The following MTMR8 variants were observed in gnomAD, a reference collection of about 807,000 sequenced individuals.
MTMR8 encodes phosphatidylinositol-3,5-bisphosphate 3-phosphatase MTMR8.
Under a neutral mutation model 39.3 loss-of-function variants are expected in MTMR8, and 65 were observed. The ratio of observed to expected loss-of-function variants is 1.65; its 90% CI spans 1.35 to 2.03. The LOEUF (loss-of-function observed/expected upper bound fraction) is 2.03. MTMR8 is among the 30% of genes most tolerant of loss of function. The probability of loss-of-function intolerance (pLI) is 0.00; values close to 1 mark genes in which losing one functional copy is unlikely to be tolerated. For missense variants in MTMR8, 777 were observed against 538.9 expected (o/e 1.44, Z -4.37); for synonymous variants, 245 against 185.2 (o/e 1.32, Z -2.62).
intron 12 of MTMR8, among the ~76,000 whole-genome samples, chrX:64,316,988 T>C (rs938751621): frequency 4.6e-5 from 5 of 108,709 alleles, no homozygotes; most frequent in Non-Finnish European, 9.5e-5. Context: ...GATGTGTGCC[T>C]GTAGTCCCAG....
At chrX:64,334,584 A>C (rs1387414850) in intron 10 of MTMR8, among the ~76,000 whole-genome samples, 6 of 106,153 alleles carry the variant, frequency 5.7e-5, no homozygotes, top group Non-Finnish European at 1.2e-4. Flanking sequence ...AAAAAAAAAA[A>C]AAAAAAAAAA....
intron 8 of MTMR8, 107 bp from the exon 9 acceptor site, chrX:64,337,500 G>A (rs980106940): frequency 2.3e-5 from 20 of 864,636 alleles, no homozygotes; most frequent in Admixed American, 3.6e-5. Flanking sequence ...CTGGTCTTAT[G>A]GGCTACATTA....
chrX:64,349,072 C>A (rs985453018), intron 5 of MTMR8, among the ~76,000 whole-genome samples: 1 of 111,474 alleles, frequency 9.0e-6, no homozygotes, highest in Admixed American at 9.6e-5. Context: ...AAATTCTATT[C>A]TCGATATATA....
chrX:64,295,988 C>A (rs1474544950), intron 12 of MTMR8, among the ~76,000 whole-genome samples: 1 of 112,138 alleles, frequency 8.9e-6, no homozygotes, highest in African/African-American at 3.2e-5. Context: ...AGCAGGAAAT[C>A]AAACAGACAG....
rs747200106 is a variant in MTMR8, at chrX:64,331,491, T to A, written c.1352+66A>T. The A allele has an allele frequency of 4.0e-6, 4 of 1,007,799 alleles. No individual in the cohort carries two copies. The African/African-American group carries it at 5.7e-5, about 14-fold the overall frequency. 83.1% of individuals were successfully genotyped at this position (1,007,799 alleles called of 1,213,427 possible). On this transcript the variant is annotated intron_variant, in intron 11 of 13. Coordinates refer to ENST00000374852, the MANE Select transcript of MTMR8 (RefSeq NM_017677.4). ...GACTGCTATGCCAAATTCAGGGTGG[T>A]AGGTACATTCTTTTTGCACTGACCA...
At chrX:64,351,185 A>G (rs1048622622) in intron 4 of MTMR8, among the ~76,000 whole-genome samples, 2 of 110,829 alleles carry the variant, frequency 1.8e-5, no homozygotes, top group African/African-American at 6.6e-5. Flanking sequence ...CTTCTTTGGG[A>G]GACTCAGACA....
At chrX:64,366,590 G>C (rs979843525) in intron 1 of MTMR8, among the ~76,000 whole-genome samples, 1 of 111,953 alleles carries the variant, frequency 8.9e-6, no homozygotes, top group African/African-American at 3.2e-5. Flanking sequence ...CAGAATCTCT[G>C]GGACACATTT....
intron 1 of MTMR8, among the ~76,000 whole-genome samples, chrX:64,386,219 A>G (rs1249489512): frequency 8.9e-6 from 1 of 111,768 alleles, no homozygotes; most frequent in Non-Finnish European, 1.9e-5. Flanking sequence ...CGCTCATTCT[A>G]TTTTGTAGAA....
intron 12 of MTMR8, among the ~76,000 whole-genome samples, chrX:64,289,183 G>T (rs903135526): frequency 1.8e-5 from 2 of 110,233 alleles, no homozygotes; most frequent in East Asian, 2.9e-4. Context: ...CACTAATAGA[G>T]AAATGAAAAT....
intron 12 of MTMR8, among the ~76,000 whole-genome samples, chrX:64,278,177 C>T (rs1265342986): frequency 9.2e-6 from 1 of 109,029 alleles, no homozygotes; most frequent in African/African-American, 3.3e-5. Context: ...TTAGAAAATG[C>T]TCCTTTAGCT....
intron 12 of MTMR8, among the ~76,000 whole-genome samples, chrX:64,285,309 C>A (rs1256278951): frequency 9.0e-6 from 1 of 111,246 alleles, no homozygotes; most frequent in Non-Finnish European, 1.9e-5. Flanking sequence ...ACAGAAGCAC[C>A]CAGATTCATA....
intron 12 of MTMR8, among the ~76,000 whole-genome samples, chrX:64,318,869 C>T (rs191960418): frequency 4.5e-5 from 5 of 110,356 alleles, no homozygotes; most frequent in South Asian, 3.9e-4. Context: ...TTAGTAGAGA[C>T]GGGATTTCAC....
At chrX:64,306,555 T>C (rs1214671600) in intron 12 of MTMR8, 1 of 119,578 alleles carries the variant, frequency 8.4e-6, no homozygotes, top group Admixed American at 9.3e-5. Flanking sequence ...ATAATCATCA[T>C]TTGTATCAGT....
chrX:64,295,950 C>T lies in MTMR8; in HGVS notation c.1482-24877G>A, dbSNP rs1457270881. Among the ~76,000 whole-genome samples the T allele has an allele frequency of 3.6e-5, 4 of 112,060 alleles. 1 individual carries two copies. Among genetic ancestry groups the T allele is most frequent in the Non-Finnish European group, 7.5e-5 (4 of 53,204 alleles). ...AATTACCATATGATCCAACAATCCA[C>T]TTTTAGGTTATACCCCAAAGAACTC... On this transcript the variant is annotated intron_variant, in intron 12 of 13. Coordinates refer to ENST00000374852, the MANE Select transcript of MTMR8 (RefSeq NM_017677.4).
Position 64,281,105 on chromosome X carries a change from C to A in MTMR8, c.1482-10032G>T, listed in dbSNP as rs372424518. ...TCATGGATAGGAAGAATCAGTATCA[C>A]GAAAATGGCCATACTGCCCAAGGTA... On this transcript the variant is annotated intron_variant, in intron 12 of 13. Transcript: ENST00000374852. Among the ~76,000 whole-genome samples, 14 of 111,440 alleles carry A rather than the reference C, an allele frequency of 1.3e-4. No homozygotes were observed. The East Asian group carries it at 3.1e-3, about 25-fold the overall frequency.
At chrX:64,270,775 GAAGT>G (rs1931742838) in intron 13 of MTMR8, among the ~76,000 whole-genome samples, 168 bp downstream of exon 13, 1 of 111,383 alleles carries the variant, frequency 9.0e-6, no homozygotes. Context: ...CACATTTTGG[GAAGT>G]AAGAAAAGGA....
chrX:64,268,448 A>G lies in MTMR8; in HGVS notation c.*89T>C. 1 of 1,099,883 alleles carries G rather than the reference A, an allele frequency of 9.1e-7. No homozygotes were observed. Among genetic ancestry groups the G allele is most frequent in the East Asian group, 3.0e-5 (1 of 33,099 alleles). The allele number at this position is 1,099,883 out of a possible 1,213,427, so 90.6% of individuals were successfully genotyped here. On this transcript the variant is annotated 3_prime_UTR_variant, in exon 14 of 14. Coordinates refer to ENST00000374852, the MANE Select transcript of MTMR8 (RefSeq NM_017677.4). ...GGGTGCCCTGGCTTCACCCACTTAA[A>G]CCAATTGGAAAAGCAGCATAGCCCT...
chrX:64,355,013 G>A, intron 3 of MTMR8, 79 bp from the exon 4 acceptor site: 1 of 895,860 alleles, frequency 1.1e-6, no homozygotes, highest in East Asian at 3.6e-5. Flanking sequence ...ATAAAGGCTA[G>A]ATTTCCTTTT....
intron 12 of MTMR8, among the ~76,000 whole-genome samples, chrX:64,282,001 C>A (rs1219536079): frequency 2.7e-5 from 3 of 109,111 alleles, no homozygotes; most frequent in East Asian, 5.7e-4. Context: ...ATTAGAGAAA[C>A]ACAAATCAAA....
Sources: gnomAD v4.1 joint callset for allele counts (sites outside exome capture counted in the v4.1 genomes callset) on GRCh38, gnomAD v4.1.1 for gene constraint, MANE v1.5 for transcripts, NCBI Gene and HGNC (gene_info 2026-07-23, HGNC 2026-07-21) for gene names.